The following CLEC16A variants were observed in gnomAD, a reference collection of about 807,000 sequenced individuals.
CLEC16A encodes protein CLEC16A.
In CLEC16A, 51 loss-of-function variants were observed where a neutral mutation model predicts 109.5. That is an observed-to-expected ratio of 0.47 (90% confidence interval 0.37 to 0.59). The LOEUF (loss-of-function observed/expected upper bound fraction) is 0.59, where lower values mean the gene tolerates loss of function less well. CLEC16A is among the 20% of genes least tolerant of loss of function. The probability of loss-of-function intolerance (pLI) is 0.00; values close to 1 mark genes in which losing one functional copy is unlikely to be tolerated. For synonymous variants in CLEC16A, 673 were observed against 564.2 expected (o/e 1.19, Z -2.73); for missense variants, 1,339 against 1,394.0 (o/e 0.96, Z 0.63).
At chr16:11,144,753 G>C (rs2053982063) in intron 22 of CLEC16A, among the ~76,000 whole-genome samples, 1 of 152,238 alleles carries the variant, frequency 6.6e-6, no homozygotes. Context: ...TCTTCTGTAG[G>C]AGCAGTGGCT....
intron 13 of CLEC16A, among the ~76,000 whole-genome samples, chr16:11,025,741 G>A (rs890665235): frequency 8.9e-6 from 1 of 112,840 alleles, no homozygotes; most frequent in Non-Finnish European, 1.8e-5. Context: ...GAACATACAT[G>A]ATATAACTAA....
At chr16:11,169,272 A>ATTGATTTGTTTTTTGTT (rs1567415626) in intron 23 of CLEC16A, among the ~76,000 whole-genome samples, 1 of 151,952 alleles carries the variant, frequency 6.6e-6, no homozygotes, top group African/African-American at 2.4e-5. Context: ...CTTCTTTGCC[A>ATTGATTTGTTTTTTGTT]TTGATTTGTT....
chr16:10,994,524 C>T (rs1355292878), intron 10 of CLEC16A, among the ~76,000 whole-genome samples: 2 of 152,130 alleles, frequency 1.3e-5, no homozygotes, highest in East Asian at 1.9e-4. Context: ...GTGTGACCTC[C>T]TGTGACTTTT....
At chr16:11,138,967 C>T (rs1188214698) in intron 22 of CLEC16A, among the ~76,000 whole-genome samples, 1 of 147,774 alleles carries the variant, frequency 6.8e-6, no homozygotes, top group East Asian at 2.0e-4. Flanking sequence ...GAGAAACTAA[C>T]AGGATTTGGT....
At chr16:11,155,694 G>A (rs930951156) in intron 22 of CLEC16A, among the ~76,000 whole-genome samples, 8 of 152,200 alleles carry the variant, frequency 5.3e-5, no homozygotes, top group South Asian at 2.1e-4. Context: ...GTCATAGAAC[G>A]TCATCAGCCA....
intron 12 of CLEC16A, 73 bp downstream of exon 12, chr16:11,020,398 C>A: frequency 6.8e-7 from 1 of 1,480,634 alleles, no homozygotes; most frequent in Non-Finnish European, 9.0e-7. Context: ...AGGTTGAGCC[C>A]TAGGGCCAGA....
At chr16:10,971,299 T>A in intron 5 of CLEC16A, 69 bp downstream of exon 5, 1 of 1,113,932 alleles carries the variant, frequency 9.0e-7, no homozygotes, top group Non-Finnish European at 1.3e-6. Context: ...CTCCCGTGTG[T>A]GTGCGTACAG....
intron 13 of CLEC16A, chr16:11,027,641 G>T: frequency 6.4e-7 from 1 of 1,553,094 alleles, no homozygotes; most frequent in South Asian, 1.1e-5. Context: ...CATGGTTCTT[G>T]CGCCCTTTCC....
chr16:11,176,673 G>A (rs553975012), intron 23 of CLEC16A, among the ~76,000 whole-genome samples: 81 of 152,320 alleles, frequency 5.3e-4, no homozygotes, highest in African/African-American at 1.9e-3. Context: ...AGAAGGTTGA[G>A]GCTGCAGTGA....
At chr16:11,177,594 C>T (rs1353094102) in intron 23 of CLEC16A, among the ~76,000 whole-genome samples, 2 of 149,074 alleles carry the variant, frequency 1.3e-5, no homozygotes, top group Admixed American at 6.7e-5. Context: ...AGTGAGACTC[C>T]GCCAAAAGAA....
intron 15 of CLEC16A, among the ~76,000 whole-genome samples, chr16:11,043,268 G>C (rs59136790): frequency 0.011 from 1,643 of 152,176 alleles, 32 homozygotes; most frequent in African/African-American, 0.038. Flanking sequence ...AAACAAAAAA[G>C]ATTAGCCAGG....
At chr16:11,111,853 C>A (rs745829335) in intron 19 of CLEC16A, among the ~76,000 whole-genome samples, 6 of 152,200 alleles carry the variant, frequency 3.9e-5, no homozygotes, top group Non-Finnish European at 7.3e-5. Context: ...TATGAAGTTT[C>A]CTTCTGAAAT....
At chr16:11,171,346 C>T (rs558851996) in intron 23 of CLEC16A, among the ~76,000 whole-genome samples, 21 of 152,212 alleles carry the variant, frequency 1.4e-4, no homozygotes, top group Non-Finnish European at 2.9e-4. Context: ...TGGAGTGGCT[C>T]TTTCAGTGCT....
At chr16:11,012,273 A>T (rs1275008497) in intron 11 of CLEC16A, among the ~76,000 whole-genome samples, 1 of 152,202 alleles carries the variant, frequency 6.6e-6, no homozygotes, top group African/African-American at 2.4e-5. Context: ...TTAAACATTG[A>T]AATAAATGTG....
At chr16:11,170,749 G>A (rs2068476184) in intron 23 of CLEC16A, among the ~76,000 whole-genome samples, 1 of 152,200 alleles carries the variant, frequency 6.6e-6, no homozygotes, top group African/African-American at 2.4e-5. Flanking sequence ...ACTGTGCACA[G>A]CATTCGGGAT....
Position 11,067,169 on chromosome 16 carries a change from T to G in CLEC16A, c.2116+6147T>G, listed in dbSNP as rs28593658. On this transcript the variant is annotated intron_variant, in intron 19 of 23. Coordinates refer to ENST00000409790, the MANE Select transcript of CLEC16A (RefSeq NM_015226.3). ...GTTGTTGTGGGGGTTTTTTTTTTGGTTTTTTTTTTGTTTGTTTTTGTTTTT... is the reference window on the plus strand; with the variant it reads ...GTTGTTGTGGGGGTTTTTTTTTTGGGTTTTTTTTTGTTTGTTTTTGTTTTT... 3.4e-4 allele frequency among the ~76,000 whole-genome samples: 48 copies of G among 139,686 alleles called. 1 individual carries two copies. In the South Asian group the frequency reaches 4.1e-3, roughly 12 times the overall value. The allele number at this position is 139,686 out of a possible 152,430, so 91.6% of individuals were successfully genotyped here. A position where few individuals can be genotyped will look rare whatever the true frequency, so the allele number is the denominator to read the frequency against.
chr16:11,064,367 TGC>T (rs2048652811), intron 19 of CLEC16A, among the ~76,000 whole-genome samples: 1 of 152,266 alleles, frequency 6.6e-6, no homozygotes, highest in South Asian at 2.1e-4. Context: ...ACCCATGTGC[TGC>T]CGCCCGGGTC....
rs148939600 is a variant in CLEC16A, at chr16:11,138,155, A to G, written c.2641+12009A>G. On this transcript the variant is annotated intron_variant, in intron 22 of 23. Coordinates refer to ENST00000409790, the MANE Select transcript of CLEC16A (RefSeq NM_015226.3). ...AAACATGTTGACGAGGGTCAGGAAA[A>G]GGAAGGTTGGCTGAGCAAGCGTTTA... Among the ~76,000 whole-genome samples, 357 of 152,334 alleles carry G rather than the reference A, an allele frequency of 2.3e-3. 2 individuals are homozygous for G. The highest frequency in any genetic ancestry group is 8.0e-3 in the African/African-American group (333 of 41,584).
At chr16:11,134,460 C>G (rs1206735513) in intron 22 of CLEC16A, among the ~76,000 whole-genome samples, 1 of 152,134 alleles carries the variant, frequency 6.6e-6, no homozygotes, top group Non-Finnish European at 1.5e-5. Flanking sequence ...GACTGCAGAG[C>G]TCACATGAGA....
Sources: allele counts gnomAD v4.1 joint callset (sites outside exome capture counted in the v4.1 genomes callset), GRCh38; gene constraint gnomAD v4.1.1; transcripts MANE v1.5; gene names NCBI Gene and HGNC (gene_info 2026-07-23, HGNC 2026-07-21).